Variants in CATSPERE observed in about 807,000 individuals in gnomAD.
The protein encoded by CATSPERE is catsper channel auxiliary subunit epsilon, also known as cation channel sperm-associated auxiliary subunit epsilon.
Under a neutral mutation model 114.1 loss-of-function variants are expected in CATSPERE, and 93 were observed. That is an observed-to-expected ratio of 0.81 (90% CI 0.69 to 0.97). The LOEUF (loss-of-function observed/expected upper bound fraction) is 0.97. Among genes scored for constraint, CATSPERE ranks in the 50% least tolerant of loss-of-function variants. The pLI, the probability that CATSPERE is intolerant of heterozygous loss-of-function variation, is 0.00. For synonymous variants in CATSPERE, 341 were observed against 384.1 expected (o/e 0.89, Z 1.31); for missense variants, 1,058 against 1,131.6 (o/e 0.93, Z 0.93).
At position 244,583,863 on chromosome 1, in the gene CATSPERE, G is replaced by C. The variant is rs1428193033; in HGVS notation, c.2010-1G>C. 6.2e-7 allele frequency: 1 copy of C among 1,613,582 alleles called. No homozygotes were observed. Among genetic ancestry groups the C allele is most frequent in the Non-Finnish European group, 8.5e-7 (1 of 1,179,670 alleles). Reference sequence around the variant, plus strand: ...TAACCTGTACGAATTGTTTCTCCTAGAGACAAGCACACGGGTCTTGTGCTG... The same window carrying C: ...TAACCTGTACGAATTGTTTCTCCTACAGACAAGCACACGGGTCTTGTGCTG... On this transcript the variant is annotated splice_acceptor_variant, in intron 12 of 21. Coordinates refer to ENST00000366534, the MANE Select transcript of CATSPERE (RefSeq NM_001130957.2). LOFTEE classifies it high-confidence loss of function.
In CATSPERE at chr1:244,607,889, C is replaced by A. The variant is rs370166430; in HGVS notation, c.2403+2095C>A. Among the ~76,000 whole-genome samples, 9 of 150,332 alleles carry A rather than the reference C, an allele frequency of 6.0e-5. No individual in the cohort carries two copies. Among genetic ancestry groups the A allele is most frequent in the Admixed American group, 1.3e-4 (2 of 15,108 alleles). The stretch of plus-strand genomic sequence containing the variant: ...AGCACTTTGGGAGGCTGAGGCAGGC[C>A]GATCACAAGGTCAGGAGTTTGAGAC... On this transcript the variant is annotated intron_variant, in intron 18 of 21. Transcript: ENST00000366534. This position sits in a 1 kb window ranked among gnomAD's most constrained non-coding sequence, Gnocchi z 4.4.
At chr1:244,453,697 C>T (rs947184044), upstream of CATSPERE, among the ~76,000 whole-genome samples, 9 of 152,264 alleles carry the variant, frequency 5.9e-5, no homozygotes, top group Non-Finnish European at 1.2e-4. Context: ...GGAGAAATAG[C>T]CCCGGGGAGA....
chr1:244,451,515 C>G (rs1665601230), upstream of CATSPERE: 1 of 1,132,028 alleles, frequency 8.8e-7, no homozygotes, highest in Non-Finnish European at 1.2e-6. The surrounding 1 kb of genome is among the most constrained non-coding windows in gnomAD (Gnocchi z 6.6). Context: ...GAGAGAGCCT[C>G]AAGGTGACAC....
At chr1:244,475,142 A>G (rs1314477367) in intron 2 of CATSPERE, among the ~76,000 whole-genome samples, 1 of 150,980 alleles carries the variant, frequency 6.6e-6, no homozygotes, top group African/African-American at 2.4e-5. Flanking sequence ...TCTCTTTCTT[A>G]TATCCTTCCT....
At chr1:244,482,085 AAG>A (rs1433235752) in intron 5 of CATSPERE, among the ~76,000 whole-genome samples, 2 of 152,192 alleles carry the variant, frequency 1.3e-5, no homozygotes, top group Non-Finnish European at 1.5e-5. Context: ...GTTAGTCCAA[AAG>A]AGAGAACTCC....
chr1:244,566,674 T>TA, intron 10 of CATSPERE, among the ~76,000 whole-genome samples: 2 of 122,924 alleles, frequency 1.6e-5, no homozygotes, highest in East Asian at 2.1e-4. Context: ...TTTTTTTTTT[T>TA]TTTTTTTTTT....
intron 10 of CATSPERE, among the ~76,000 whole-genome samples, chr1:244,569,991 A>G (rs1283544569): frequency 9.9e-5 from 15 of 152,174 alleles, no homozygotes; most frequent in Non-Finnish European, 2.2e-4. Flanking sequence ...CTGTTTTTTC[A>G]TGAATATTTT....
chr1:244,547,782 C>T (rs949082479), intron 8 of CATSPERE, among the ~76,000 whole-genome samples: 2 of 152,046 alleles, frequency 1.3e-5, no homozygotes, highest in African/African-American at 4.8e-5. Flanking sequence ...ATCTATAAAA[C>T]AACTAAAAAA....
intron 7 of CATSPERE, among the ~76,000 whole-genome samples, chr1:244,501,826 C>T (rs1471508419): frequency 6.6e-6 from 1 of 152,190 alleles, no homozygotes; most frequent in Admixed American, 6.5e-5. Flanking sequence ...CTCTTAGGCT[C>T]TTAATGTGAA....
chr1:244,561,890 G>A (rs1055029519), intron 10 of CATSPERE, among the ~76,000 whole-genome samples: 4 of 151,952 alleles, frequency 2.6e-5, no homozygotes, highest in Admixed American at 1.3e-4. Context: ...GGTGGCTCAC[G>A]CTTCTAATGC....
chr1:244,528,442 A>G (rs553532104), intron 8 of CATSPERE, among the ~76,000 whole-genome samples: 242 of 152,350 alleles, frequency 1.6e-3, no homozygotes, highest in African/African-American at 5.2e-3. Context: ...GTACAAAACT[A>G]GAAAAATTAA....
At chr1:244,639,365 G>A (rs908995270) in intron 21 of CATSPERE, among the ~76,000 whole-genome samples, 9 of 152,142 alleles carry the variant, frequency 5.9e-5, no homozygotes, top group African/African-American at 1.9e-4. Context: ...CCACTGGAAG[G>A]CCTTCCATGA....
chr1:244,583,094 T>A (rs1666476154), intron 12 of CATSPERE, among the ~76,000 whole-genome samples: 1 of 152,080 alleles, frequency 6.6e-6, no homozygotes, highest in South Asian at 2.1e-4. Flanking sequence ...CTCTTTATGC[T>A]CCTAATGGTC....
intron 9 of CATSPERE, among the ~76,000 whole-genome samples, chr1:244,557,539 A>ATT (rs1227626906): frequency 3.8e-5 from 1 of 26,238 alleles, no homozygotes; most frequent in Non-Finnish European, 6.3e-5. Context: ...ATTCATATAT[A>ATT]TATATATATA....
chr1:244,625,658 A>G (rs1673096563), intron 20 of CATSPERE, among the ~76,000 whole-genome samples: 1 of 150,266 alleles, frequency 6.7e-6, no homozygotes, highest in Non-Finnish European at 1.5e-5. Flanking sequence ...CGATCTCTTG[A>G]CCTTGTGATC....
intron 2 of CATSPERE, among the ~76,000 whole-genome samples, chr1:244,466,902 A>G (rs1476848575): frequency 7.2e-5 from 11 of 152,158 alleles, no homozygotes; most frequent in Non-Finnish European, 5.9e-5. Context: ...TTTTGGTACC[A>G]CTGCCTGAGG....
Position 244,481,038 on chromosome 1 carries a change from G to T in CATSPERE, c.326+1254G>T, listed in dbSNP as rs145011697. Among the ~76,000 whole-genome samples the T allele has an allele frequency of 7.5e-3, 1,139 of 152,290 alleles. 17 individuals carry two copies. The highest frequency in any genetic ancestry group is 0.026 in the African/African-American group (1,088 of 41,560). ...GCCTGTAGTCCCAGCTACGCAGGAGGCTGAGTTAGGAGAATCACTTGACCC... is the reference window on the plus strand; with the variant it reads ...GCCTGTAGTCCCAGCTACGCAGGAGTCTGAGTTAGGAGAATCACTTGACCC... On this transcript the variant is annotated intron_variant, in intron 5 of 21. Transcript: ENST00000366534.
chr1:244,619,988 G>A (rs913371171), intron 20 of CATSPERE, among the ~76,000 whole-genome samples: 4 of 152,136 alleles, frequency 2.6e-5, no homozygotes, highest in African/African-American at 9.7e-5. Flanking sequence ...TCATAAAACA[G>A]ATAAGCAAGT....
intron 8 of CATSPERE, among the ~76,000 whole-genome samples, chr1:244,522,597 TAAAG>T (rs1453130578): frequency 6.0e-5 from 9 of 150,546 alleles, no homozygotes; most frequent in African/African-American, 2.2e-4. Flanking sequence ...GCAAAACTAA[TAAAG>T]AAAAAAAGAG....
Sources: allele counts gnomAD v4.1 joint callset (sites outside exome capture counted in the v4.1 genomes callset), GRCh38; gene constraint gnomAD v4.1.1; non-coding constraint Gnocchi (gnomAD v3.1); transcripts MANE v1.5; gene names NCBI Gene and HGNC (gene_info 2026-07-23, HGNC 2026-07-21).